Variants in ADGRD1 observed in about 807,000 individuals in gnomAD.
ADGRD1 encodes the protein adhesion G protein-coupled receptor D1, also known as G-protein coupled receptor 133.
In ADGRD1, 77 loss-of-function variants were observed where a neutral mutation model predicts 113.4. The ratio of observed to expected loss-of-function variants is 0.68; its 90% confidence interval spans 0.57 to 0.82. ADGRD1 has a LOEUF of 0.82. Among genes scored for constraint, ADGRD1 ranks in the 40% least tolerant of loss-of-function variants. The pLI, the probability that ADGRD1 is intolerant of heterozygous loss-of-function variation, is 0.00. For missense variants in ADGRD1, 1,036 were observed against 1,139.1 expected (o/e 0.91, Z 1.30); for synonymous variants, 474 against 475.0 (o/e 1.00, Z 0.03).
rs1279454874 is a variant in ADGRD1, at chr12:131,129,482, C to G, written c.2176-2243C>G. ...CCTGCTGTCTGGGTGTGAGTGACAG[C>G]CCCGCCCTGCTGTCTGGGTGTGAGT... On this transcript the variant is annotated intron_variant, in intron 20 of 24. Transcript: ENST00000261654. Among the ~76,000 whole-genome samples the G allele has an allele frequency of 7.9e-3, 805 of 101,540 alleles. 2 individuals carry two copies. The highest frequency in any genetic ancestry group is 0.034 in the African/African-American group (711 of 20,882). 66.6% of individuals were successfully genotyped at this position (101,540 alleles called of 152,430 possible). A position where few individuals can be genotyped will look rare whatever the true frequency, so the allele number is the denominator to read the frequency against.
intron 15 of ADGRD1, among the ~76,000 whole-genome samples, chr12:131,095,841 G>A (rs987640132): frequency 1.3e-5 from 2 of 152,224 alleles, no homozygotes; most frequent in Non-Finnish European, 2.9e-5. Context: ...ACAGGAGCTC[G>A]AGGGTTCTTT....
chr12:131,134,465 T>G (rs548329048), intron 21 of ADGRD1, among the ~76,000 whole-genome samples: 1 of 152,366 alleles, frequency 6.6e-6, no homozygotes, highest in East Asian at 1.9e-4. Flanking sequence ...AGTAGCACAT[T>G]TTGGTACTTA....
chr12:131,137,462 C>G (rs11061342), intron 23 of ADGRD1, among the ~76,000 whole-genome samples: 7 of 152,200 alleles, frequency 4.6e-5, no homozygotes, highest in African/African-American at 1.7e-4. Flanking sequence ...ATGTACTTGG[C>G]TGGGGGGAGG....
intron 20 of ADGRD1, among the ~76,000 whole-genome samples, chr12:131,122,929 C>T (rs1249203989): frequency 6.6e-6 from 1 of 150,740 alleles, no homozygotes; most frequent in East Asian, 2.0e-4. Context: ...CCTGAGGGGA[C>T]ATTACCTTCA....
intron 13 of ADGRD1, among the ~76,000 whole-genome samples, chr12:131,056,875 C>G (rs575917875): frequency 6.6e-6 from 1 of 152,234 alleles, no homozygotes; most frequent in East Asian, 1.9e-4. Flanking sequence ...TTCCAGGGCC[C>G]TAGGACGACG....
chr12:131,071,987 C>T (rs890195465), intron 13 of ADGRD1, among the ~76,000 whole-genome samples: 13 of 150,540 alleles, frequency 8.6e-5, no homozygotes, highest in Non-Finnish European at 1.6e-4. Flanking sequence ...CTACCTGGGG[C>T]GAGGGGGTGA....
intron 13 of ADGRD1, among the ~76,000 whole-genome samples, chr12:131,068,957 G>A (rs1476639591): frequency 1.3e-5 from 2 of 152,238 alleles, no homozygotes; most frequent in African/African-American, 2.4e-5. Context: ...GCAGGTAAAC[G>A]TGTTCATTCC....
chr12:131,045,176 G>A (rs1882556875), intron 13 of ADGRD1, among the ~76,000 whole-genome samples: 1 of 152,250 alleles, frequency 6.6e-6, no homozygotes, highest in Admixed American at 6.5e-5. Flanking sequence ...ATCCGGGAGA[G>A]CGTGGATGAG....
intron 15 of ADGRD1, among the ~76,000 whole-genome samples, chr12:131,087,794 G>T (rs10848277): frequency 5.3e-5 from 8 of 152,110 alleles, no homozygotes; most frequent in African/African-American, 1.7e-4. Flanking sequence ...TCCATGTGGA[G>T]GTGGGCCCTT....
At chr12:131,085,799 A>C (rs1321269429) in intron 15 of ADGRD1, among the ~76,000 whole-genome samples, 1 of 152,044 alleles carries the variant, frequency 6.6e-6, no homozygotes, top group Non-Finnish European at 1.5e-5. Flanking sequence ...GGCCTGAGAG[A>C]GGGCCAGGCT....
chr12:131,120,601 C>G, intron 19 of ADGRD1: 2 of 592,474 alleles, frequency 3.4e-6, no homozygotes, highest in Non-Finnish European at 3.0e-6. Flanking sequence ...GAAATCTATT[C>G]TGGATTTTGG....
rs928096161 is a variant in ADGRD1, at chr12:131,113,622, C to T, written c.2041+4745C>T. 2.0e-5 allele frequency among the ~76,000 whole-genome samples: 3 copies of T among 152,208 alleles called. No homozygotes were observed. Among genetic ancestry groups the T allele is most frequent in the African/African-American group, 4.8e-5 (2 of 41,460 alleles). On this transcript the variant is annotated intron_variant, in intron 18 of 24. Coordinates refer to ENST00000261654, the MANE Select transcript of ADGRD1 (RefSeq NM_198827.5). The surrounding 1 kb of genome is among the most constrained non-coding windows in gnomAD (Gnocchi z 4.9). ...AAGTGGAGGTAAATTGTGCTCCCCT[C>T]GTGGCTCCCTGGGGAGACTGAAGAG...
chr12:131,091,811 T>C (rs1455448167), intron 15 of ADGRD1: 1 of 152,294 alleles, frequency 6.6e-6, no homozygotes, highest in East Asian at 1.9e-4. Context: ...TGTGTGGAAT[T>C]GTGTGATATG....
intron 15 of ADGRD1, among the ~76,000 whole-genome samples, chr12:131,102,727 G>A (rs1056195561): frequency 2.6e-5 from 4 of 152,210 alleles, no homozygotes; most frequent in African/African-American, 9.6e-5. Context: ...GGAAGCCCAC[G>A]GGCATGGCTG....
intron 13 of ADGRD1, among the ~76,000 whole-genome samples, chr12:131,019,900 CTGAG>C: frequency 1.9e-5 from 1 of 51,972 alleles, no homozygotes; most frequent in African/African-American, 5.6e-5. Flanking sequence ...GGGCAGGACC[CTGAG>C]CTCCATCAAG....
chr12:130,975,397 C>T (rs1872195144), intron 4 of ADGRD1, among the ~76,000 whole-genome samples: 1 of 152,192 alleles, frequency 6.6e-6, no homozygotes, highest in African/African-American at 2.4e-5. Context: ...GTGCCTGGCA[C>T]ACCATAGATA....
At chr12:130,997,651 C>G (rs891344811) in intron 8 of ADGRD1, among the ~76,000 whole-genome samples, 2 of 151,726 alleles carry the variant, frequency 1.3e-5, no homozygotes, top group African/African-American at 4.8e-5. Context: ...GGGATGGCGG[C>G]CGGGAAGAGG....
In ADGRD1 at chr12:131,014,369, C is replaced by T. The variant is rs201781570; in HGVS notation, c.1473+29C>T. 1,346 of 1,595,264 alleles carry T rather than the reference C, an allele frequency of 8.4e-4. 3 individuals are homozygous for T. The highest frequency in any genetic ancestry group is 2.4e-3 in the Admixed American group (140 of 58,852). On this transcript the variant is annotated intron_variant, in intron 13 of 24. Coordinates refer to ENST00000261654, the MANE Select transcript of ADGRD1 (RefSeq NM_198827.5). ...AGTGGCGGTGCCTTCACCCTTGTCG[C>T]CGCCTTTGATCTGGTTTCACACTGA... is the stretch of plus-strand genomic sequence containing the variant.
At chr12:130,997,250 G>A (rs1264171314) in intron 8 of ADGRD1, among the ~76,000 whole-genome samples, 3 of 147,374 alleles carry the variant, frequency 2.0e-5, no homozygotes, top group Non-Finnish European at 4.5e-5. Context: ...CAGTAGGGGC[G>A]GCTGGGCAGA....
Sources: allele counts gnomAD v4.1 joint callset (sites outside exome capture counted in the v4.1 genomes callset), GRCh38; gene constraint gnomAD v4.1.1; non-coding constraint Gnocchi (gnomAD v3.1); transcripts MANE v1.5; gene names NCBI Gene and HGNC (gene_info 2026-07-23, HGNC 2026-07-21).